AKAP13: variants seen among roughly 807,000 people sequenced by gnomAD.
AKAP13 encodes the protein A-kinase anchoring protein 13, also known as A-kinase anchor protein 13.
A neutral mutation model predicts 264.5 loss-of-function variants in AKAP13; 80 were observed. The observed-to-expected ratio is 0.30, with a 90% CI of 0.25 to 0.36. The LOEUF is 0.36. AKAP13 is among the 10% of genes least tolerant of loss of function. The pLI, the probability that AKAP13 is intolerant of heterozygous loss-of-function variation, is 1.00. For synonymous variants in AKAP13, 1,380 were observed against 1,250.2 expected, an observed-to-expected ratio of 1.10 and a Z score of -2.19; for missense variants, 3,712 against 3,435.2, an observed-to-expected ratio of 1.08 and a Z score of -2.01.
In AKAP13 at chr15:85,399,533, AAAAAAT is replaced by A. The variant is rs2071316166; in HGVS notation, c.-12+18739_-12+18744del. Among the ~76,000 whole-genome samples the A allele has an allele frequency of 3.7e-3, 313 of 83,472 alleles. 5 individuals are homozygous for A. The highest frequency in any genetic ancestry group is 5.0e-3 in the African/African-American group (137 of 27,632). 54.8% of individuals were successfully genotyped at this position (83,472 alleles called of 152,430 possible). On this transcript the variant is annotated intron_variant, in intron 1 of 36. Transcript: ENST00000394518. ...AAAAAAAAAAAAAAATAAAAAAATA[AAAAAAT>A]AAATAAATAAATAAATAAAGTTTTA...
intron 1 of AKAP13, among the ~76,000 whole-genome samples, chr15:85,434,335 C>T (rs951516501): frequency 2.6e-5 from 4 of 152,164 alleles, no homozygotes; most frequent in South Asian, 2.1e-4. Context: ...CACGGAATCT[C>T]GCTGACTGCT....
intron 5 of AKAP13, among the ~76,000 whole-genome samples, chr15:85,568,189 A>C (rs1318369510): frequency 6.6e-6 from 1 of 151,902 alleles, no homozygotes; most frequent in Non-Finnish European, 1.5e-5. Context: ...AGTCTCAGCT[A>C]CTCAGGGGGC....
chr15:85,558,156 A>C (rs2078219232), intron 5 of AKAP13, among the ~76,000 whole-genome samples: 1 of 152,208 alleles, frequency 6.6e-6, no homozygotes, highest in African/African-American at 2.4e-5. Context: ...AAGTAATTTG[A>C]GAAGTTCTCT....
intron 1 of AKAP13, among the ~76,000 whole-genome samples, chr15:85,432,786 T>G (rs2073078985): frequency 6.6e-6 from 1 of 152,132 alleles, no homozygotes; most frequent in South Asian, 2.1e-4. Flanking sequence ...CAGAAAACAC[T>G]GGGGGAGGCT....
intron 1 of AKAP13, among the ~76,000 whole-genome samples, chr15:85,482,208 T>G (rs1375270350): frequency 1.3e-5 from 2 of 152,212 alleles, no homozygotes; most frequent in African/African-American, 4.8e-5. Context: ...TAGCTGTTAT[T>G]TCTATTACTT....
Position 85,579,046 on chromosome 15 carries a change from C to A in AKAP13, c.978C>A (p.Asp326Glu). The change falls in exon 7 of 37, where the codon GAC becomes GAA. Residue 326 changes from aspartate (D) to glutamate (E), a missense_variant. This residue lies in a region of AKAP13 where 2,759 missense variants were observed against 2,411.7 expected (regional missense o/e 1.14). Coordinates refer to ENST00000394518, the MANE Select transcript of AKAP13 (RefSeq NM_007200.5). ...QFLPCAPEPT[D>E]PQRLSSSEET... Reference sequence around the variant, plus strand: ...TTCCCTGTGCACCGGAGCCCACGGACCCTCAGCGACTTTCTTCTTCTGAAG... The same window carrying A: ...TTCCCTGTGCACCGGAGCCCACGGAACCTCAGCGACTTTCTTCTTCTGAAG... The A allele has an allele frequency of 6.2e-7, 1 of 1,614,158 alleles. No homozygotes were observed. The highest frequency in any genetic ancestry group is 8.5e-7 in the Non-Finnish European group (1 of 1,180,028).
intron 1 of AKAP13, among the ~76,000 whole-genome samples, chr15:85,477,943 T>G (rs1316151285): frequency 6.6e-6 from 1 of 152,196 alleles, no homozygotes; most frequent in Non-Finnish European, 1.5e-5. Context: ...CTCACTGTGC[T>G]GTCATATCTG....
At chr15:85,653,045 T>G (rs536341863) in intron 10 of AKAP13, among the ~76,000 whole-genome samples, 17 of 152,312 alleles carry the variant, frequency 1.1e-4, no homozygotes, top group Admixed American at 4.6e-4. Flanking sequence ...AGCCGAGATA[T>G]TCACGAGACC....
At chr15:85,442,423 AATATAT>A (rs1555429952) in intron 1 of AKAP13, among the ~76,000 whole-genome samples, 1 of 105,940 alleles carries the variant, frequency 9.4e-6, no homozygotes, top group African/African-American at 3.9e-5. Context: ...AAAAAAAAAA[AATATAT>A]ATATATATAA....
chr15:85,547,237 A>G (rs2077783886), intron 5 of AKAP13, among the ~76,000 whole-genome samples: 1 of 152,210 alleles, frequency 6.6e-6, no homozygotes, highest in Non-Finnish European at 1.5e-5. Flanking sequence ...AAGCTTATTT[A>G]ACCCCATTTA....
chr15:85,420,573 C>G (rs922782340), intron 1 of AKAP13, among the ~76,000 whole-genome samples: 16 of 152,100 alleles, frequency 1.1e-4, no homozygotes, highest in Admixed American at 6.5e-4. Context: ...AAAACTCTTA[C>G]CCTAATTGGG....
At chr15:85,446,495 C>T (rs763329972) in intron 1 of AKAP13, among the ~76,000 whole-genome samples, 6 of 152,136 alleles carry the variant, frequency 3.9e-5, no homozygotes, top group Non-Finnish European at 8.8e-5. Flanking sequence ...GGATGTCTAG[C>T]AGGCACTTGG....
Position 85,744,493 on chromosome 15 carries a change from G to C in AKAP13, c.8393-135G>C, listed in dbSNP as rs11629690. ...TTAACCAAATTTGTTCAGAAACCCC[G>C]GTGCGCAGAAGAGTTAATTGCCCAT... On this transcript the variant is annotated intron_variant, in intron 36 of 36. Coordinates refer to ENST00000394518, the MANE Select transcript of AKAP13 (RefSeq NM_007200.5). The C allele has an allele frequency of 1.9e-4, 172 of 891,220 alleles. 1 individual carries two copies. The African/African-American group carries it at 2.5e-3, about 13-fold the overall frequency. 55.2% of individuals were successfully genotyped at this position (891,220 alleles called of 1,614,324 possible).
intron 13 of AKAP13, among the ~76,000 whole-genome samples, chr15:85,667,279 A>T (rs1258226908): frequency 6.6e-6 from 1 of 152,194 alleles, no homozygotes; most frequent in Non-Finnish European, 1.5e-5. Flanking sequence ...GACCAGACAA[A>T]TAAAGAGATT....
intron 10 of AKAP13, among the ~76,000 whole-genome samples, chr15:85,649,103 A>G (rs541453976): frequency 6.6e-6 from 1 of 152,226 alleles, no homozygotes; most frequent in African/African-American, 2.4e-5. Context: ...TTGACAGGAT[A>G]CTTACTGTAC....
chr15:85,396,391 A>G (rs557724259), intron 1 of AKAP13, among the ~76,000 whole-genome samples: 48 of 152,302 alleles, frequency 3.2e-4, no homozygotes, highest in Non-Finnish European at 6.2e-4. Flanking sequence ...TTAAAAAACA[A>G]AATTATGATT....
chr15:85,671,888 C>T (rs180921597), intron 14 of AKAP13, among the ~76,000 whole-genome samples: 2 of 152,148 alleles, frequency 1.3e-5, no homozygotes, highest in Non-Finnish European at 2.9e-5. Context: ...CAGAATGTGT[C>T]CCATAGAGAG....
At position 85,722,765 on chromosome 15, in the gene AKAP13, A is replaced by AT. The variant is rs1231357772; in HGVS notation, c.6497-306dup. Among the ~76,000 whole-genome samples, 8 of 151,862 alleles carry AT rather than the reference A, an allele frequency of 5.3e-5. No individual in the cohort carries two copies. In the East Asian group the frequency reaches 9.6e-4, roughly 18 times the overall value. On this transcript the variant is annotated intron_variant, in intron 25 of 36. Coordinates refer to ENST00000394518, the MANE Select transcript of AKAP13 (RefSeq NM_007200.5). ...GTACATTAAAAATTAAGTAAAACAA[A>AT]TAAAAAAAAAAAAACTTGGTTGCTC... is the stretch of plus-strand genomic sequence containing the variant.
At chr15:85,573,036 A>G (rs1268304102) in intron 5 of AKAP13, among the ~76,000 whole-genome samples, 1 of 152,210 alleles carries the variant, frequency 6.6e-6, no homozygotes, top group African/African-American at 2.4e-5. Flanking sequence ...GCATATTTTT[A>G]GCTTTAAAAT....
Sources: gnomAD v4.1 joint callset for allele counts (sites outside exome capture counted in the v4.1 genomes callset) on GRCh38, gnomAD v4.1.1 for gene constraint, gnomAD v4.1.1 regional missense constraint, MANE v1.5 for transcripts, NCBI Gene and HGNC (gene_info 2026-07-23, HGNC 2026-07-21) for gene names.